The following ITGA11 variants were observed in gnomAD, a reference collection of about 807,000 sequenced individuals.
ITGA11 encodes the protein integrin subunit alpha 11.
A neutral mutation model predicts 141.9 loss-of-function variants in ITGA11; 97 were observed. The observed-to-expected ratio is 0.68, with a 90% confidence interval of 0.58 to 0.81. The LOEUF (loss-of-function observed/expected upper bound fraction) is 0.81. Among genes scored for constraint, ITGA11 ranks in the 30% least tolerant of loss-of-function variants. The pLI, the probability that ITGA11 is intolerant of heterozygous loss-of-function variation, is 0.00. For missense variants in ITGA11, 1,387 were observed against 1,559.2 expected (o/e 0.89, Z 1.86); for synonymous variants, 658 against 624.6 (o/e 1.05, Z -0.80).
chr15:68,328,420 G>C lies in ITGA11; in HGVS notation c.1902-158C>G, dbSNP rs1178121396. On this transcript the variant is annotated intron_variant, in intron 15 of 29. Transcript: ENST00000315757. This position sits in a 1 kb window ranked among gnomAD's most constrained non-coding sequence, Gnocchi z 4.8. ...GGGGGCGAGGTGGAGGATGGAGGGG[G>C]CTTCGGATGTCAAAGGACTGGCAAG... is the stretch of plus-strand genomic sequence containing the variant. Among the ~76,000 whole-genome samples the C allele has an allele frequency of 1.3e-5, 2 of 151,546 alleles. No homozygotes were observed. Among genetic ancestry groups the C allele is most frequent in the Admixed American group, 1.3e-4 (2 of 15,224 alleles).
Position 68,303,102 on chromosome 15 carries a change from C to CTGCG in ITGA11, c.3520_3523dup (p.Arg1175ThrfsTer23). ...GGTGGGGTCCAGACCAGGCTCCCTC[C>CTGCG]TGCGCCTGGCACTTCTAAAGAAGCC... On this transcript the variant is annotated frameshift_variant, in exon 30 of 30. Transcript: ENST00000315757. LOFTEE classifies it high-confidence loss of function. The surrounding 1 kb of genome is among the most constrained non-coding windows in gnomAD (Gnocchi z 5.3). The CTGCG allele has an allele frequency of 6.4e-7, 1 of 1,551,138 alleles. No individual in the cohort carries two copies. The highest frequency in any genetic ancestry group is 8.7e-7 in the Non-Finnish European group (1 of 1,147,110).
intron 10 of ITGA11, among the ~76,000 whole-genome samples, chr15:68,341,660 G>C (rs2414998): frequency 0.99 from 150,777 of 152,340 alleles, 74,641 homozygotes; most frequent in Middle Eastern, 1. Flanking sequence ...TTTCTTCCTT[G>C]CTTTCCTCCC....
chr15:68,426,350 G>C (rs949706136), intron 1 of ITGA11, among the ~76,000 whole-genome samples: 1 of 152,168 alleles, frequency 6.6e-6, no homozygotes, highest in Admixed American at 6.5e-5. Context: ...GGAGAAGATC[G>C]CCAAACCTTG....
chr15:68,373,784 C>G (rs1274786703), intron 2 of ITGA11, among the ~76,000 whole-genome samples: 2 of 152,178 alleles, frequency 1.3e-5, no homozygotes, highest in Non-Finnish European at 1.5e-5. Context: ...AGGCCTGGAA[C>G]TGTTGGCAGC....
intron 9 of ITGA11, 73 bp downstream of exon 9, chr15:68,350,544 G>T (rs1470676313): frequency 1.4e-6 from 2 of 1,440,680 alleles, no homozygotes; most frequent in Admixed American, 2.1e-5. Context: ...TGTGGGATTG[G>T]TTTGTGCTCT....
chr15:68,412,230 G>A (rs1322244800), intron 1 of ITGA11, among the ~76,000 whole-genome samples: 3 of 152,152 alleles, frequency 2.0e-5, no homozygotes, highest in African/African-American at 7.2e-5. Context: ...ACAAGGAGAA[G>A]AGGAGCTGGG....
At chr15:68,344,962 G>A (rs749005911) in intron 10 of ITGA11, among the ~76,000 whole-genome samples, 7 of 151,948 alleles carry the variant, frequency 4.6e-5, no homozygotes, top group African/African-American at 1.7e-4. Context: ...TCTGCACACC[G>A]TCACCCATGC....
chr15:68,395,824 A>G (rs1216629553), intron 2 of ITGA11, among the ~76,000 whole-genome samples: 2 of 146,162 alleles, frequency 1.4e-5, no homozygotes, highest in African/African-American at 5.2e-5. Flanking sequence ...ATACCTATAT[A>G]TCAAAACTGC....
At chr15:68,379,147 G>A (rs1004758105) in intron 2 of ITGA11, among the ~76,000 whole-genome samples, 5 of 152,158 alleles carry the variant, frequency 3.3e-5, no homozygotes, top group African/African-American at 9.7e-5. Context: ...GCGGCTGCTC[G>A]TCTATCCGTT....
At chr15:68,313,896 A>G in intron 22 of ITGA11, 28 bp from the exon 23 acceptor site, 1 of 1,582,560 alleles carries the variant, frequency 6.3e-7, no homozygotes, top group Non-Finnish European at 8.7e-7. Context: ...CGGCAAGGTC[A>G]GGAAGGGGCT....
intron 23 of ITGA11, 93 bp downstream of exon 23, chr15:68,313,686 T>C (rs1462720363): frequency 1.1e-6 from 1 of 945,496 alleles, no homozygotes; most frequent in African/African-American, 1.6e-5. Flanking sequence ...GGTCTGGCCC[T>C]ATTAGGGCCC....
At chr15:68,393,077 A>G (rs2140393359) in intron 2 of ITGA11, among the ~76,000 whole-genome samples, 1 of 152,364 alleles carries the variant, frequency 6.6e-6, no homozygotes, top group South Asian at 2.1e-4. Context: ...GGAGCAAAAT[A>G]AAATATCTGT....
intron 20 of ITGA11, among the ~76,000 whole-genome samples, chr15:68,317,850 T>C (rs191072878): frequency 4.9e-4 from 75 of 152,282 alleles, no homozygotes; most frequent in African/African-American, 1.7e-3. Context: ...TGTATGTCTC[T>C]GGGCATGCAT....
intron 2 of ITGA11, among the ~76,000 whole-genome samples, chr15:68,379,579 C>G (rs1458662513): frequency 1.3e-5 from 2 of 152,206 alleles, no homozygotes; most frequent in African/African-American, 4.8e-5. Context: ...GGGCCGAACT[C>G]TTCTGGGTCC....
chr15:68,366,854 C>G (rs1895437272), intron 3 of ITGA11, among the ~76,000 whole-genome samples: 1 of 152,188 alleles, frequency 6.6e-6, no homozygotes, highest in African/African-American at 2.4e-5. Context: ...GTTGGAAGGA[C>G]AGTGCCAGTG....
intron 18 of ITGA11, among the ~76,000 whole-genome samples, chr15:68,323,568 C>A (rs555972445): frequency 6.6e-6 from 1 of 152,286 alleles, no homozygotes; most frequent in East Asian, 1.9e-4. Flanking sequence ...GTCTCACTTG[C>A]TGGGGGCTAG....
At chr15:68,391,996 G>C (rs931517874) in intron 2 of ITGA11, among the ~76,000 whole-genome samples, 4 of 152,180 alleles carry the variant, frequency 2.6e-5, no homozygotes, top group African/African-American at 4.8e-5. Flanking sequence ...GGTTGAAAGA[G>C]GCTCAAATCC....
In ITGA11 at chr15:68,322,388, C is replaced by T. The variant is rs964597458; in HGVS notation, c.2323-885G>A. On this transcript the variant is annotated intron_variant, in intron 18 of 29. Coordinates refer to ENST00000315757, the MANE Select transcript of ITGA11 (RefSeq NM_001004439.2). The surrounding 1 kb of genome is among the most constrained non-coding windows in gnomAD (Gnocchi z 5.6). ...CCATTGAGGAGGCTGCCACAACATT[C>T]GGGCAAGAGATGACGCTGGTGTCGG... Among the ~76,000 whole-genome samples, 9 of 151,938 alleles carry T rather than the reference C, an allele frequency of 5.9e-5. No homozygotes were observed. The highest frequency in any genetic ancestry group is 1.0e-4 in the Non-Finnish European group (7 of 67,992).
intron 1 of ITGA11, among the ~76,000 whole-genome samples, chr15:68,409,108 G>T (rs988697088): frequency 6.7e-6 from 1 of 149,640 alleles, no homozygotes; most frequent in African/African-American, 2.4e-5. Flanking sequence ...TGGCCTCAGC[G>T]CTTTTGCCCA....
Sources: allele counts gnomAD v4.1 joint callset (sites outside exome capture counted in the v4.1 genomes callset), GRCh38; gene constraint gnomAD v4.1.1; non-coding constraint Gnocchi (gnomAD v3.1); transcripts MANE v1.5; gene names NCBI Gene and HGNC (gene_info 2026-07-23, HGNC 2026-07-21).